DAB2IP: variants seen among roughly 807,000 people sequenced by gnomAD.
DAB2IP encodes the protein DAB2 interacting protein.
A neutral mutation model predicts 107.2 loss-of-function variants in DAB2IP; 28 were observed. That is an observed-to-expected ratio of 0.26 (90% CI 0.19 to 0.36). The LOEUF (loss-of-function observed/expected upper bound fraction) is 0.36. Ranked by LOEUF, DAB2IP falls within the 10% of genes least tolerant of loss-of-function variation. DAB2IP has a pLI of 1.00. For synonymous variants in DAB2IP, 755 were observed against 706.4 expected (o/e 1.07, Z -1.09); for missense variants, 1,400 against 1,644.7 (o/e 0.85, Z 2.57).
intron 3 of DAB2IP, among the ~76,000 whole-genome samples, chr9:121,738,831 A>G (rs950320979): frequency 1.6e-4 from 24 of 152,210 alleles, no homozygotes; most frequent in African/African-American, 5.8e-4. Context: ...GAGCTCTTAT[A>G]CTGTGTCAGA....
At chr9:121,621,107 C>G (rs1831446480) in intron 1 of DAB2IP, among the ~76,000 whole-genome samples, 1 of 152,104 alleles carries the variant, frequency 6.6e-6, no homozygotes, top group East Asian at 1.9e-4. Context: ...TTCCTACCTG[C>G]AAGTCTGGTG....
In DAB2IP at chr9:121,633,104, T is replaced by C. The variant is rs181476287; in HGVS notation, c.41-45574T>C. ...TTTTGTAGAGCATGTGGATGCATAT[T>C]TGGGGGGCTTAATCTTCTTAATAAA... On this transcript the variant is annotated intron_variant, in intron 1 of 16. Transcript: ENST00000259371. This position sits in a 1 kb window ranked among gnomAD's most constrained non-coding sequence, Gnocchi z 5.1. 6.6e-6 allele frequency among the ~76,000 whole-genome samples: 1 copy of C among 152,306 alleles called. No individual in the cohort carries two copies. The highest frequency in any genetic ancestry group is 2.4e-5 in the African/African-American group (1 of 41,560).
At chr9:121,591,921 C>A (rs965238463) in intron 1 of DAB2IP, among the ~76,000 whole-genome samples, 4 of 152,048 alleles carry the variant, frequency 2.6e-5, no homozygotes, top group Non-Finnish European at 5.9e-5. Flanking sequence ...AACTAGGGGA[C>A]AAACTGGGAG....
chr9:121,718,370 T>C (rs896061054), intron 3 of DAB2IP, among the ~76,000 whole-genome samples: 2 of 152,114 alleles, frequency 1.3e-5, no homozygotes, highest in Non-Finnish European at 2.9e-5. Flanking sequence ...GTGGGTGAGG[T>C]CACGCCCAAG....
intron 1 of DAB2IP, among the ~76,000 whole-genome samples, chr9:121,604,719 G>T (rs1467205400): frequency 2.0e-5 from 3 of 152,152 alleles, no homozygotes; most frequent in Non-Finnish European, 4.4e-5. Flanking sequence ...CTTACTAACT[G>T]CCCTGCTTTG....
chr9:121,609,670 C>T (rs1831021115), intron 1 of DAB2IP, among the ~76,000 whole-genome samples: 1 of 152,262 alleles, frequency 6.6e-6, no homozygotes, highest in African/African-American at 2.4e-5. Context: ...CATTGGAAAT[C>T]TTCTGGTGCG....
At chr9:121,676,877 C>T (rs1019018845) in intron 1 of DAB2IP, among the ~76,000 whole-genome samples, 5 of 152,148 alleles carry the variant, frequency 3.3e-5, no homozygotes, top group African/African-American at 1.2e-4. Flanking sequence ...GCTGGTGCCA[C>T]GCTGTTGTGG....
intron 3 of DAB2IP, among the ~76,000 whole-genome samples, chr9:121,707,057 C>G (rs923984360): frequency 6.6e-6 from 1 of 152,206 alleles, no homozygotes; most frequent in African/African-American, 2.4e-5. Flanking sequence ...TCCTCCCCTC[C>G]CTGTGTTGGC....
chr9:121,729,863 A>C (rs1046930455), intron 3 of DAB2IP, among the ~76,000 whole-genome samples: 1 of 152,194 alleles, frequency 6.6e-6, no homozygotes, highest in Non-Finnish European at 1.5e-5. Context: ...CAGTGGGCCT[A>C]TATTCCTATA....
chr9:121,718,930 GCTC>G (rs1830766271), intron 3 of DAB2IP, among the ~76,000 whole-genome samples: 1 of 152,258 alleles, frequency 6.6e-6, no homozygotes, highest in South Asian at 2.1e-4. Context: ...CCTTCACTTT[GCTC>G]CTCATTTTTT....
chr9:121,725,168 CGTGT>C (rs1564181142), intron 3 of DAB2IP, among the ~76,000 whole-genome samples: 1 of 152,096 alleles, frequency 6.6e-6, no homozygotes, highest in Non-Finnish European at 1.5e-5. Flanking sequence ...TGTGTGCGCG[CGTGT>C]GTATGTGTGT....
chr9:121,767,581 GA>G (rs1337967728), intron 9 of DAB2IP, among the ~76,000 whole-genome samples: 1 of 152,224 alleles, frequency 6.6e-6, no homozygotes, highest in African/African-American at 2.4e-5. Flanking sequence ...AGCGGGCGAT[GA>G]GACCTAAGAG....
exon 16 of DAB2IP, chr9:121,783,125 A>AC (rs1835779613): frequency 9.6e-7 from 1 of 1,038,768 alleles, no homozygotes; most frequent in Non-Finnish European, 1.2e-6. Flanking sequence ...GAGGATTCCT[A>AC]CCCACCCACC....
At chr9:121,783,867 C>T (rs1362741703) in exon 16 of DAB2IP, 2 of 424,964 alleles carry the variant, frequency 4.7e-6, no homozygotes, top group Non-Finnish European at 4.3e-6. Flanking sequence ...CTCTCTCGGC[C>T]CCTGTCTGTT....
intron 3 of DAB2IP, among the ~76,000 whole-genome samples, chr9:121,742,266 A>G (rs567645615): frequency 6.6e-6 from 1 of 150,884 alleles, no homozygotes; most frequent in Non-Finnish European, 1.5e-5. Flanking sequence ...CGTCTCTACT[A>G]AAAAAATACA....
At chr9:121,712,035 A>G (rs1186891033) in intron 3 of DAB2IP, among the ~76,000 whole-genome samples, 1 of 152,214 alleles carries the variant, frequency 6.6e-6, no homozygotes, top group Non-Finnish European at 1.5e-5. Flanking sequence ...GCTGGGAGCA[A>G]AGTCTGCACC....
chr9:121,628,804 G>A (rs1287510907), intron 1 of DAB2IP, among the ~76,000 whole-genome samples: 1 of 152,190 alleles, frequency 6.6e-6, no homozygotes, highest in African/African-American at 2.4e-5. Flanking sequence ...GGGGAGATTT[G>A]GAACTGGACA....
chr9:121,669,769 A>G (rs1833602056), intron 1 of DAB2IP, among the ~76,000 whole-genome samples: 1 of 152,174 alleles, frequency 6.6e-6, no homozygotes, highest in South Asian at 2.1e-4. Flanking sequence ...AAAATTAGGT[A>G]GTGACCTTGT....
chr9:121,617,187 T>C (rs1831308112), intron 1 of DAB2IP, among the ~76,000 whole-genome samples: 1 of 152,018 alleles, frequency 6.6e-6, no homozygotes, highest in African/African-American at 2.4e-5. Flanking sequence ...TAGCCAGGCA[T>C]GGTGGCACGC....
Sources: allele counts gnomAD v4.1 joint callset (sites outside exome capture counted in the v4.1 genomes callset), GRCh38; gene constraint gnomAD v4.1.1; non-coding constraint Gnocchi (gnomAD v3.1); transcripts MANE v1.5; gene names NCBI Gene and HGNC (gene_info 2026-07-23, HGNC 2026-07-21).